Variants in EBF3 observed in about 807,000 individuals in gnomAD.
EBF3 encodes the protein EBF transcription factor 3.
EBF3 carries 18 observed loss-of-function variants against 77.1 expected under a neutral mutation model. The observed-to-expected ratio is 0.23, with a 90% confidence interval of 0.16 to 0.35. EBF3 has a LOEUF of 0.35. EBF3 is among the 10% of genes least tolerant of loss of function. The pLI, the probability that EBF3 is intolerant of heterozygous loss-of-function variation, is 1.00. For synonymous variants in EBF3, 350 were observed against 343.5 expected (o/e 1.02, Z -0.21); for missense variants, 558 against 860.0 (o/e 0.65, Z 4.39).
At chr10:129,853,078 C>CCGGGAGAG (rs1392803703) in intron 10 of EBF3, among the ~76,000 whole-genome samples, 2 of 152,192 alleles carry the variant, frequency 1.3e-5, no homozygotes, top group African/African-American at 4.8e-5. Flanking sequence ...CCACCCCTGC[C>CCGGGAGAG]CGGGAGAGCT....
In EBF3 at chr10:129,848,578, C is replaced by G; in HGVS notation, c.1040-98G>C. The G allele has an allele frequency of 7.9e-7, 1 of 1,270,826 alleles. No homozygotes were observed. The highest frequency in any genetic ancestry group is 1.1e-6 in the Non-Finnish European group (1 of 870,438). 78.7% of individuals were successfully genotyped at this position (1,270,826 alleles called of 1,614,324 possible). A position where few individuals can be genotyped will look rare whatever the true frequency, so the allele number is the denominator to read the frequency against. On this transcript the variant is annotated intron_variant, in intron 10 of 16. Transcript: ENST00000440978. The surrounding 1 kb of genome is among the most constrained non-coding windows in gnomAD (Gnocchi z 4.4). ...TACAAATAAATGTGTAGTTCTCCTGCTCTGATGCTCTCTAAGGCAAGCACC... is the reference window on the plus strand; with the variant it reads ...TACAAATAAATGTGTAGTTCTCCTGGTCTGATGCTCTCTAAGGCAAGCACC...
intron 10 of EBF3, among the ~76,000 whole-genome samples, chr10:129,860,575 G>A (rs555476074): frequency 6.6e-6 from 1 of 152,312 alleles, no homozygotes; most frequent in South Asian, 2.1e-4. Context: ...GCAGGGTGCA[G>A]ACTTGGTCAC....
intron 6 of EBF3, among the ~76,000 whole-genome samples, chr10:129,918,083 G>C (rs181719676): frequency 6.6e-6 from 1 of 152,332 alleles, no homozygotes; most frequent in African/African-American, 2.4e-5. Flanking sequence ...ACACAGTTAG[G>C]AAGGGGCCCA....
chr10:129,878,823 C>CAAAAAAAAAAAAAA (rs10654202), intron 6 of EBF3, among the ~76,000 whole-genome samples: 1 of 58,770 alleles, frequency 1.7e-5, no homozygotes, highest in African/African-American at 6.2e-5. Context: ...AAATCGGTCT[C>CAAAAAAAAAAAAAA]AAAAAAAAAA....
intron 10 of EBF3, among the ~76,000 whole-genome samples, chr10:129,852,198 G>A (rs934063561): frequency 3.9e-5 from 6 of 152,154 alleles, no homozygotes; most frequent in Admixed American, 1.3e-4. Flanking sequence ...CCTACAGCTC[G>A]GGAAGGATAC....
chr10:129,838,614 A>G (rs569363514), intron 16 of EBF3, among the ~76,000 whole-genome samples: 8 of 152,338 alleles, frequency 5.3e-5, no homozygotes, highest in Admixed American at 4.6e-4. Context: ...TTCTCAGGAA[A>G]GAAGAGAAAA....
intron 6 of EBF3, among the ~76,000 whole-genome samples, chr10:129,910,541 C>T (rs1350592844): frequency 6.6e-6 from 1 of 152,102 alleles, no homozygotes; most frequent in Non-Finnish European, 1.5e-5. Context: ...CAGATATACA[C>T]CAAATCTCCA....
At chr10:129,908,663 C>T (rs763100015) in intron 6 of EBF3, among the ~76,000 whole-genome samples, 8 of 152,214 alleles carry the variant, frequency 5.3e-5, no homozygotes, top group African/African-American at 1.9e-4. Context: ...CGTTGCAGTT[C>T]GTTAGTGGCG....
rs1590017719 is a variant in EBF3, at chr10:129,837,146, T to C, written c.*797A>G. ...TCACAGTAGCCTAAGAATGCAATAG[T>C]ATACAGTGCTAGCAAAAGTTGAAAA... On this transcript the variant is annotated 3_prime_UTR_variant, in exon 17 of 17. Coordinates refer to ENST00000440978, the MANE Select transcript of EBF3 (RefSeq NM_001375380.1). 6.6e-6 allele frequency: 1 copy of C among 152,646 alleles called. No individual in the cohort carries two copies. Among genetic ancestry groups the C allele is most frequent in the African/African-American group, 2.4e-5 (1 of 41,452 alleles). The allele number at this position is 152,646 out of a possible 1,614,324, so 9.5% of individuals were successfully genotyped here.
chr10:129,836,706 T>C lies in EBF3; in HGVS notation c.*1237A>G, dbSNP rs1232986264. The C allele has an allele frequency of 1.3e-5, 2 of 152,540 alleles. No homozygotes were observed. The highest frequency in any genetic ancestry group is 2.9e-5 in the Non-Finnish European group (2 of 68,032). The allele number at this position is 152,540 out of a possible 1,614,324, so 9.4% of individuals were successfully genotyped here. On this transcript the variant is annotated 3_prime_UTR_variant, in exon 17 of 17. Coordinates refer to ENST00000440978, the MANE Select transcript of EBF3 (RefSeq NM_001375380.1). ...CGAAACAGATCAAAGAGACAAGTTC[T>C]TGGCTAATGCTCTTCCCAGTATCAC...
rs1462755120 is a variant in EBF3 at position 129,938,704 on chromosome 10, G to C, written c.554+18554C>G. 6.6e-6 allele frequency among the ~76,000 whole-genome samples: 1 copy of C among 152,190 alleles called. No homozygotes were observed. The highest frequency in any genetic ancestry group is 1.5e-5 in the Non-Finnish European group (1 of 68,036). ...CGAGAAAGGTGCGGCTGCAACCGACGAGCACTGCCTTGTGTCCTGGGACCT... is the reference window on the plus strand; with the variant it reads ...CGAGAAAGGTGCGGCTGCAACCGACCAGCACTGCCTTGTGTCCTGGGACCT... On this transcript the variant is annotated intron_variant, in intron 6 of 16. Coordinates refer to ENST00000440978, the MANE Select transcript of EBF3 (RefSeq NM_001375380.1). This position sits in a 1 kb window ranked among gnomAD's most constrained non-coding sequence, Gnocchi z 5.1.
At chr10:129,937,258 C>T (rs1022275807) in intron 6 of EBF3, among the ~76,000 whole-genome samples, 10 of 151,880 alleles carry the variant, frequency 6.6e-5, no homozygotes, top group Non-Finnish European at 1.2e-4. Flanking sequence ...CGCACAGAGA[C>T]CCCTAGTTTG....
In EBF3 at chr10:129,952,644, G is replaced by C. The variant is rs747710079; in HGVS notation, c.554+4614C>G. On this transcript the variant is annotated intron_variant, in intron 6 of 16. Coordinates refer to ENST00000440978, the MANE Select transcript of EBF3 (RefSeq NM_001375380.1). This position sits in a 1 kb window ranked among gnomAD's most constrained non-coding sequence, Gnocchi z 4.7. ...TTTAAGTTCTCTGCTTGGAGATGGA[G>C]TAGGAATAAAAACATTGGGACTGGT... is the stretch of plus-strand genomic sequence containing the variant. Among the ~76,000 whole-genome samples, 2 of 152,082 alleles carry C rather than the reference G, an allele frequency of 1.3e-5. No homozygotes were observed. Among genetic ancestry groups the C allele is most frequent in the Non-Finnish European group, 2.9e-5 (2 of 68,026 alleles).
chr10:129,896,131 A>G (rs12767902), intron 6 of EBF3, among the ~76,000 whole-genome samples: 65,392 of 151,238 alleles, frequency 0.43, 16,476 homozygotes, highest in Non-Finnish European at 0.55. Context: ...AAGAAGCTAC[A>G]AAGATTATTA....
In EBF3 at chr10:129,935,580, A is replaced by G. The variant is rs1857303404; in HGVS notation, c.554+21678T>C. On this transcript the variant is annotated intron_variant, in intron 6 of 16. Transcript: ENST00000440978. The surrounding 1 kb of genome is among the most constrained non-coding windows in gnomAD (Gnocchi z 4.2). ...GTAAGGCATGGGGTTAGATACATGC[A>G]CCCCACAAGGCTGGCGGGCAGCAGG... Among the ~76,000 whole-genome samples, 1 of 152,094 alleles carries G rather than the reference A, an allele frequency of 6.6e-6. No individual in the cohort carries two copies. The highest frequency in any genetic ancestry group is 6.5e-5 in the Admixed American group (1 of 15,280).
chr10:129,911,841 C>T (rs1015434077), intron 6 of EBF3, among the ~76,000 whole-genome samples: 31 of 152,166 alleles, frequency 2.0e-4, no homozygotes, highest in Non-Finnish European at 3.5e-4. Flanking sequence ...ACAGGGAGGC[C>T]GGTTCGGCAG....
chr10:129,886,100 T>C (rs554374745), intron 6 of EBF3, among the ~76,000 whole-genome samples: 2 of 151,140 alleles, frequency 1.3e-5, no homozygotes, highest in South Asian at 4.2e-4. Context: ...TGTTAATCCT[T>C]TCCTCCTCGG....
chr10:129,937,887 A>G (rs1238459824), intron 6 of EBF3, among the ~76,000 whole-genome samples: 2 of 152,200 alleles, frequency 1.3e-5, no homozygotes, highest in Non-Finnish European at 2.9e-5. Context: ...AGCATCTTAT[A>G]ATATTCCATC....
intron 6 of EBF3, among the ~76,000 whole-genome samples, chr10:129,953,087 G>C (rs1168740713): frequency 2.0e-5 from 3 of 148,882 alleles, no homozygotes; most frequent in African/African-American, 7.4e-5. Flanking sequence ...AAGAAAGACA[G>C]AAAAAAAAAT....
Sources: allele counts gnomAD v4.1 joint callset (sites outside exome capture counted in the v4.1 genomes callset), GRCh38; gene constraint gnomAD v4.1.1; non-coding constraint Gnocchi (gnomAD v3.1); transcripts MANE v1.5; gene names NCBI Gene and HGNC (gene_info 2026-07-23, HGNC 2026-07-21).